The following ARHGAP39 variants were observed in gnomAD, a reference collection of about 807,000 sequenced individuals.
The protein encoded by ARHGAP39 is Rho GTPase activating protein 39.
ARHGAP39 carries 44 observed loss-of-function variants against 106.9 expected under a neutral mutation model. The observed-to-expected ratio is 0.41, with a 90% CI of 0.32 to 0.53. The LOEUF is 0.53. Ranked by LOEUF, ARHGAP39 falls within the 20% of genes least tolerant of loss-of-function variation. The pLI is 0.21. For synonymous variants in ARHGAP39, 768 were observed against 693.2 expected (o/e 1.11, Z -1.69); for missense variants, 1,496 against 1,577.3 (o/e 0.95, Z 0.87).
chr8:144,638,377 C>T (rs977815283), intron 1 of ARHGAP39, among the ~76,000 whole-genome samples: 1 of 152,228 alleles, frequency 6.6e-6, no homozygotes, highest in Non-Finnish European at 1.5e-5. Context: ...GTTTCCATTA[C>T]CTAGGGACTC....
At chr8:144,680,660 G>GA (rs528223648) in intron 1 of ARHGAP39, among the ~76,000 whole-genome samples, 4 of 150,624 alleles carry the variant, frequency 2.7e-5, no homozygotes, top group Non-Finnish European at 3.0e-5. Flanking sequence ...ATACAAAATT[G>GA]AAAAAAAAAT....
intron 1 of ARHGAP39, among the ~76,000 whole-genome samples, chr8:144,668,226 G>A (rs940539671): frequency 1.3e-5 from 2 of 152,184 alleles, no homozygotes; most frequent in Non-Finnish European, 2.9e-5. Context: ...AGGACTGCTT[G>A]AGCCCAGGAG....
the ARHGAP39 span, chr8:144,698,772 G>A: frequency 4.4e-6 from 2 of 454,312 alleles, no homozygotes; most frequent in South Asian, 3.1e-5. Context: ...CCTTGGCCAT[G>A]AGTGGGTCAG....
chr8:144,580,796 G>A (rs1464061456), intron 3 of ARHGAP39, 50 bp downstream of exon 3: 1 of 192,132 alleles, frequency 5.2e-6, no homozygotes, highest in Non-Finnish European at 7.2e-6. Context: ...ACCTGGCCCC[G>A]CCCACTCCAT....
intron 1 of ARHGAP39, among the ~76,000 whole-genome samples, chr8:144,682,972 G>A (rs553469577): frequency 1.7e-4 from 26 of 151,248 alleles, no homozygotes; most frequent in African/African-American, 4.6e-4. Flanking sequence ...AGCCATGATC[G>A]CACCACTGCA....
chr8:144,613,378 T>A (rs944061172), intron 1 of ARHGAP39, among the ~76,000 whole-genome samples: 1 of 152,228 alleles, frequency 6.6e-6, no homozygotes, highest in Admixed American at 6.5e-5. Flanking sequence ...CTGTAACATT[T>A]CTTTCAGTGA....
intron 3 of ARHGAP39, among the ~76,000 whole-genome samples, chr8:144,569,576 A>G (rs531164026): frequency 6.6e-6 from 1 of 152,290 alleles, no homozygotes; most frequent in South Asian, 2.1e-4. Context: ...ACAAAACACA[A>G]ATTAATCTAT....
At chr8:144,629,249 T>A (rs111899937) in intron 1 of ARHGAP39, among the ~76,000 whole-genome samples, 1 of 152,110 alleles carries the variant, frequency 6.6e-6, no homozygotes, top group African/African-American at 2.4e-5. Context: ...GCTGCCTGAT[T>A]AGGGGCAGCC....
intron 1 of ARHGAP39, among the ~76,000 whole-genome samples, chr8:144,622,759 A>G (rs565306436): frequency 6.6e-6 from 1 of 152,342 alleles, no homozygotes; most frequent in African/African-American, 2.4e-5. Flanking sequence ...AGAGAACAAA[A>G]CCTAAGTAAA....
At chr8:144,554,948 A>AC (rs936199993) in intron 4 of ARHGAP39, among the ~76,000 whole-genome samples, 86 of 152,046 alleles carry the variant, frequency 5.7e-4, no homozygotes, top group African/African-American at 2.0e-3. Flanking sequence ...GCGGACACCC[A>AC]CCCCCCTACA....
At chr8:144,666,131 G>A (rs1336597207) in intron 1 of ARHGAP39, among the ~76,000 whole-genome samples, 1 of 152,170 alleles carries the variant, frequency 6.6e-6, no homozygotes, top group Non-Finnish European at 1.5e-5. Context: ...CTGCCCTGCT[G>A]GATTTTGAAC....
At chr8:144,536,706 C>T (rs1586875739) in intron 7 of ARHGAP39, among the ~76,000 whole-genome samples, 1 of 152,170 alleles carries the variant, frequency 6.6e-6, no homozygotes, top group Non-Finnish European at 1.5e-5. Context: ...GTGGCAGCCT[C>T]GGAGGTGCCA....
At chr8:144,686,194 G>T (rs2129787806), upstream of ARHGAP39, among the ~76,000 whole-genome samples, 1 of 152,224 alleles carries the variant, frequency 6.6e-6, no homozygotes, top group African/African-American at 2.4e-5. Flanking sequence ...CCGAGTCTGA[G>T]ATTTCACTTT....
Position 144,592,556 on chromosome 8 carries a change from A to T in ARHGAP39, c.81-11279T>A, listed in dbSNP as rs190333608. 1.0e-3 allele frequency among the ~76,000 whole-genome samples: 144 copies of T among 140,440 alleles called. 1 individual carries two copies. In the East Asian group the frequency reaches 0.017, roughly 17 times the overall value. The allele number at this position is 140,440 out of a possible 152,430, so 92.1% of individuals were successfully genotyped here. A position where few individuals can be genotyped will look rare whatever the true frequency, so the allele number is the denominator to read the frequency against. ...CAGCACTGAGCCCAGACCCTAGGAA[A>T]CCTGAGGGTACCTCCTGGGGGACAG... On this transcript the variant is annotated intron_variant, in intron 2 of 11. Coordinates refer to ENST00000377307, the MANE Select transcript of ARHGAP39 (RefSeq NM_025251.3).
Position 144,545,278 on chromosome 8 carries a change from C to A in ARHGAP39, c.2492G>T (p.Arg831Leu). Reference sequence around the variant, plus strand: ...AGTGTCATTGACGGGGTCCATGTGCCGGTAGATGTAGCCTTCCAGGTAGGA... The same window carrying A: ...AGTGTCATTGACGGGGTCCATGTGCAGGTAGATGTAGCCTTCCAGGTAGGA... ...FHSYLEGYIY[R>L]HMDPVNDTKV... The change falls in exon 6 of 12, where the codon CGG becomes CTG. Residue 831 changes from arginine to leucine, a missense_variant. Arg to Leu is a moderately radical substitution (Grantham distance 102, BLOSUM62 -2). Transcript: ENST00000377307. 1 of 1,556,598 alleles carries A rather than the reference C, an allele frequency of 6.4e-7. No individual in the cohort carries two copies. Among genetic ancestry groups the A allele is most frequent in the South Asian group, 1.2e-5 (1 of 85,698 alleles).
At position 144,548,510 on chromosome 8, in the gene ARHGAP39, C is replaced by A; in HGVS notation, c.597-21G>T. 2 of 1,599,924 alleles carry A rather than the reference C, an allele frequency of 1.3e-6. No individual in the cohort carries two copies. Among genetic ancestry groups the A allele is most frequent in the Non-Finnish European group, 8.5e-7 (1 of 1,175,636 alleles). Reference sequence around the variant, plus strand: ...AGGTCCTGCGTGGGGGGTGGACGGGCACAGGTGACTGCCTGCCTGCTGCTT... The same window carrying A: ...AGGTCCTGCGTGGGGGGTGGACGGGAACAGGTGACTGCCTGCCTGCTGCTT... On this transcript the variant is annotated intron_variant, in intron 4 of 11. Transcript: ENST00000377307. The surrounding 1 kb of genome is among the most constrained non-coding windows in gnomAD (Gnocchi z 7.4).
intron 1 of ARHGAP39, among the ~76,000 whole-genome samples, chr8:144,663,392 G>A (rs746623047): frequency 2.6e-5 from 4 of 152,128 alleles, no homozygotes; most frequent in Admixed American, 6.6e-5. Flanking sequence ...CACACAATGA[G>A]AGATGGAGCA....
In ARHGAP39 at chr8:144,644,253, A is replaced by C. The variant is rs931233276; in HGVS notation, c.-81-38558T>G. Among the ~76,000 whole-genome samples, 7 of 152,340 alleles carry C rather than the reference A, an allele frequency of 4.6e-5. No homozygotes were observed. The highest frequency in any genetic ancestry group is 3.4e-3 in the Middle Eastern group (1 of 294). ...AGAGAGGGATTGGCTCTAAGGCTAAAAGAGCCCTCCAGAAACCCTGGAGAA... is the reference window on the plus strand; with the variant it reads ...AGAGAGGGATTGGCTCTAAGGCTAACAGAGCCCTCCAGAAACCCTGGAGAA... On this transcript the variant is annotated intron_variant, in intron 1 of 11. Coordinates refer to ENST00000377307, the MANE Select transcript of ARHGAP39 (RefSeq NM_025251.3). This position sits in a 1 kb window ranked among gnomAD's most constrained non-coding sequence, Gnocchi z 4.8.
intron 2 of ARHGAP39, among the ~76,000 whole-genome samples, chr8:144,582,801 G>A (rs982524326): frequency 1.3e-5 from 2 of 152,210 alleles, no homozygotes; most frequent in Non-Finnish European, 2.9e-5. Flanking sequence ...TGGGCTGGTG[G>A]TGGAGGGCTG....
Sources: allele counts gnomAD v4.1 joint callset (sites outside exome capture counted in the v4.1 genomes callset), GRCh38; gene constraint gnomAD v4.1.1; non-coding constraint Gnocchi (gnomAD v3.1); transcripts MANE v1.5; gene names NCBI Gene and HGNC (gene_info 2026-07-23, HGNC 2026-07-21).